CDH3: variants seen among roughly 807,000 people sequenced by gnomAD.
CDH3 encodes the protein cadherin 3, also known as cadherin-3.
A neutral mutation model predicts 82.0 loss-of-function variants in CDH3; 54 were observed. The ratio of observed to expected loss-of-function variants is 0.66; its 90% CI spans 0.53 to 0.83. The LOEUF is 0.83. Ranked by LOEUF, CDH3 falls within the 40% of genes least tolerant of loss-of-function variation. The probability of loss-of-function intolerance (pLI) is 0.00; values close to 1 mark genes in which losing one functional copy is unlikely to be tolerated. For synonymous variants in CDH3, 446 were observed against 437.9 expected (o/e 1.02, Z -0.23); for missense variants, 1,054 against 1,084.6 (o/e 0.97, Z 0.40).
intron 7 of CDH3, 45 bp from the exon 8 acceptor site, chr16:68,680,923 T>C: frequency 6.2e-7 from 1 of 1,612,492 alleles, no homozygotes; most frequent in Non-Finnish European, 8.5e-7. Context: ...GGAGGGACCC[T>C]TCAGATTAAA....
At chr16:68,651,026 CT>C in intron 2 of CDH3, 1 of 402,406 alleles carries the variant, frequency 2.5e-6, no homozygotes, top group Non-Finnish European at 4.4e-6. Flanking sequence ...TGCTGGGAGC[CT>C]TAGTAGCTGG....
intron 2 of CDH3, among the ~76,000 whole-genome samples, chr16:68,660,331 A>G (rs1273274093): frequency 6.6e-6 from 1 of 152,254 alleles, no homozygotes; most frequent in Non-Finnish European, 1.5e-5. Flanking sequence ...ATATGAATTC[A>G]CCAAAAATCA....
At chr16:68,731,124 A>C (rs1223241003), downstream of CDH3, among the ~76,000 whole-genome samples, 2 of 127,778 alleles carry the variant, frequency 1.6e-5, no homozygotes, top group Non-Finnish European at 3.2e-5. Context: ...TAATTATAAA[A>C]AATAATTATA....
At chr16:68,704,893 T>TAA (rs531682691), downstream of CDH3, among the ~76,000 whole-genome samples, 3 of 152,058 alleles carry the variant, frequency 2.0e-5, no homozygotes, top group African/African-American at 7.2e-5. Flanking sequence ...CCATCTCTAT[T>TAA]AAAAAACAAT....
chr16:68,673,860 G>T (rs1960959925), intron 2 of CDH3, among the ~76,000 whole-genome samples: 1 of 152,158 alleles, frequency 6.6e-6, no homozygotes, highest in African/African-American at 2.4e-5. Context: ...AGGAGGTGGA[G>T]GTTGCGGTGA....
intron 2 of CDH3, chr16:68,650,955 G>A (rs1242555356): frequency 1.2e-4 from 22 of 181,808 alleles, no homozygotes; most frequent in East Asian, 1.6e-4. Context: ...AAAAAAAAAA[G>A]AAGAGGAAAA....
intron 2 of CDH3, chr16:68,651,672 A>G: frequency 3.9e-6 from 2 of 508,054 alleles, no homozygotes; most frequent in South Asian, 1.6e-5. Flanking sequence ...ATAGCTGACT[A>G]TGGCCTTGAT....
chr16:68,667,146 A>T (rs1023779681), intron 2 of CDH3, among the ~76,000 whole-genome samples: 1 of 152,080 alleles, frequency 6.6e-6, no homozygotes, highest in East Asian at 1.9e-4. Context: ...ACTTTTTTCT[A>T]TATGTAGTTT....
Position 68,712,863 on chromosome 16 carries a change from G to A in CDH3, c.100-9562G>A, listed in dbSNP as rs141346654. ...TGCCCAGCTAATTTTTGTATTTTTA[G>A]TAGAGTTGGGGTTTCACCATGTTGG... On this transcript the variant is annotated intron_variant, in intron 1 of 2. Coordinates refer to the CDH3 transcript ENST00000569080. Among the ~76,000 whole-genome samples the A allele has an allele frequency of 1.3e-4, 20 of 152,174 alleles. No homozygotes were observed. The East Asian group carries it at 3.7e-3, about 28-fold the overall frequency.
chr16:68,715,681 G>T (rs765205737), intron 1 of CDH3, among the ~76,000 whole-genome samples: 2 of 152,264 alleles, frequency 1.3e-5, no homozygotes, highest in African/African-American at 4.8e-5. Flanking sequence ...CTGAGAAGCC[G>T]CCCCACTTCC....
chr16:68,689,851 A>G (rs1961517048), intron 12 of CDH3, among the ~76,000 whole-genome samples: 1 of 152,040 alleles, frequency 6.6e-6, no homozygotes, highest in Admixed American at 6.6e-5. Context: ...GGGTGGGGGT[A>G]GAAACGTGGG....
At chr16:68,727,940 G>A (rs1451167655), downstream of CDH3, among the ~76,000 whole-genome samples, 1 of 151,860 alleles carries the variant, frequency 6.6e-6, no homozygotes, top group Non-Finnish European at 1.5e-5. Flanking sequence ...CCCAAAATCT[G>A]TACAATGTAT....
chr16:68,672,504 G>A (rs1467217461), intron 2 of CDH3, among the ~76,000 whole-genome samples: 1 of 152,132 alleles, frequency 6.6e-6, no homozygotes, highest in Non-Finnish European at 1.5e-5. Context: ...CTAAGGCAAA[G>A]CACTCATCTT....
chr16:68,731,415 CAT>C (rs1567467972), downstream of CDH3, among the ~76,000 whole-genome samples: 6 of 13,522 alleles, frequency 4.4e-4, 1 homozygote, highest in African/African-American at 2.2e-3. Flanking sequence ...TATATATATA[CAT>C]ATACACATAT....
intron 6 of CDH3, among the ~76,000 whole-genome samples, chr16:68,679,594 C>T (rs1265015582): frequency 7.1e-6 from 1 of 141,696 alleles, no homozygotes; most frequent in Non-Finnish European, 1.5e-5. Flanking sequence ...ACTCAGGAGG[C>T]TGAGGCAGGA....
rs746545223 is a variant in CDH3 at position 68,645,342 on chromosome 16, G to A, written c.-38G>A. ...CAAGAGCTGAGCGGAACACCGGCCCGCCGTCGCGGCAGCTGCTTCACCCCT... is the reference window on the plus strand; with the variant it reads ...CAAGAGCTGAGCGGAACACCGGCCCACCGTCGCGGCAGCTGCTTCACCCCT... On this transcript the variant is annotated 5_prime_UTR_variant, in exon 1 of 16. Coordinates refer to ENST00000264012, the MANE Select transcript of CDH3 (RefSeq NM_001793.6). 1.9e-6 allele frequency: 3 copies of A among 1,607,920 alleles called. No individual in the cohort carries two copies. The highest frequency in any genetic ancestry group is 1.3e-5 in the African/African-American group (1 of 74,920).
At chr16:68,697,428 AT>A (rs112585851) in intron 15 of CDH3, among the ~76,000 whole-genome samples, 1 of 152,172 alleles carries the variant, frequency 6.6e-6, no homozygotes, top group African/African-American at 2.4e-5. Context: ...ATCCCAGGTG[AT>A]TGCACCTGGG....
rs1961266118 is a variant in CDH3 at position 68,682,628 on chromosome 16, T to C, written c.1182+141T>C. The C allele has an allele frequency of 3.8e-6, 3 of 796,316 alleles. No homozygotes were observed. In the East Asian group the frequency reaches 7.9e-5, roughly 21 times the overall value. The allele number at this position is 796,316 out of a possible 1,614,324, so 49.3% of individuals were successfully genotyped here. ...GGCTCCCAACACTGTTCTACCACTCTTGTGTTGGGAAGTCCCTTTGTTCAA... is the reference window on the plus strand; with the variant it reads ...GGCTCCCAACACTGTTCTACCACTCCTGTGTTGGGAAGTCCCTTTGTTCAA... On this transcript the variant is annotated intron_variant, in intron 9 of 15. Transcript: ENST00000264012.
intron 2 of CDH3, among the ~76,000 whole-genome samples, chr16:68,669,621 G>A (rs1028343553): frequency 2.0e-5 from 3 of 151,930 alleles, no homozygotes; most frequent in Admixed American, 1.3e-4. Context: ...GGTGGCGGGG[G>A]GGGTGGGCGG....
Sources: allele counts gnomAD v4.1 joint callset (sites outside exome capture counted in the v4.1 genomes callset), GRCh38; gene constraint gnomAD v4.1.1; transcripts MANE v1.5; gene names NCBI Gene and HGNC (gene_info 2026-07-23, HGNC 2026-07-21).